Variants in FBN1 observed in about 807,000 individuals in gnomAD.
FBN1 encodes the protein fibrillin 1, also known as fibrillin-1.
A neutral mutation model predicts 365.1 loss-of-function variants in FBN1; 29 were observed. The observed-to-expected ratio is 0.08, with a 90% CI of 0.06 to 0.11. The LOEUF is 0.11. FBN1 is among the 10% of genes least tolerant of loss of function. FBN1 has a pLI of 1.00. For synonymous variants in FBN1, 1,210 were observed against 1,270.5 expected, an observed-to-expected ratio of 0.95 and a Z score of 1.01; for missense variants, 2,476 against 3,703.2, an observed-to-expected ratio of 0.67 and a Z score of 8.60.
chr15:48,573,061 A>C lies in FBN1; in HGVS notation c.538+23222T>G, dbSNP rs576098843. On this transcript the variant is annotated intron_variant, in intron 6 of 65. Transcript: ENST00000316623. ...GCTGGGGATGAGCCAGCGAGGTGGG[A>C]AAGACCAGCTCATGGGAGGCTTTGT... Among the ~76,000 whole-genome samples, 4 of 152,312 alleles carry C rather than the reference A, an allele frequency of 2.6e-5. No homozygotes were observed. In the East Asian group the frequency reaches 7.7e-4, roughly 29 times the overall value.
At chr15:48,497,036 G>A (rs191235912) in intron 19 of FBN1, among the ~76,000 whole-genome samples, 2 of 149,410 alleles carry the variant, frequency 1.3e-5, no homozygotes, top group East Asian at 3.9e-4. Context: ...TTATTTTAAG[G>A]AGCAAATCAT....
rs746201757 is a variant in FBN1, at chr15:48,516,343, G to A, written c.1167C>T (p.Cys389=). 1.9e-6 allele frequency: 3 copies of A among 1,613,766 alleles called. No homozygotes were observed. The highest frequency in any genetic ancestry group is 3.3e-5 in the Admixed American group (2 of 60,010). Residue 389 remains cysteine, a synonymous_variant, in exon 11 of 66, where the codon TGC becomes TGT. Coordinates refer to ENST00000316623, the MANE Select transcript of FBN1 (RefSeq NM_000138.5). ...TCCCAGGAATTACCATAGGAACAGA[G>A]CACAGCTTGTTGAAATCCTCTAGAA... The part of the protein sequence containing the change: ...IRATEDFNKL[C]SVPMVIPGRP...
Position 48,560,913 on chromosome 15 carries a change from T to C in FBN1, c.539-23105A>G, listed in dbSNP as rs79537613. Among the ~76,000 whole-genome samples the C allele has an allele frequency of 3.0e-3, 460 of 152,244 alleles. 17 individuals are homozygous for C. In the East Asian group the frequency reaches 0.071, roughly 23 times the overall value. Reference sequence around the variant, plus strand: ...ACCATATAACCTCTCTGGGTCATAATTTCCTCATCTGAACAATAGGGATCA... The same window carrying C: ...ACCATATAACCTCTCTGGGTCATAACTTCCTCATCTGAACAATAGGGATCA... On this transcript the variant is annotated intron_variant, in intron 6 of 65. Transcript: ENST00000316623.
At chr15:48,460,166 GA>G (rs2043270073) in intron 43 of FBN1, 79 bp downstream of exon 43, 4 of 1,029,892 alleles carry the variant, frequency 3.9e-6, no homozygotes, top group Non-Finnish European at 6.1e-6. Flanking sequence ...TTTCCTTTAA[GA>G]AAAAAATGGG....
intron 2 of FBN1, among the ~76,000 whole-genome samples, chr15:48,617,184 G>GT (rs1004726203): frequency 6.9e-4 from 105 of 151,222 alleles, no homozygotes; most frequent in African/African-American, 2.2e-3. Flanking sequence ...TTGCTTTTTT[G>GT]TTTTTTTTGA....
chr15:48,501,308 T>C (rs1195706318), intron 17 of FBN1, among the ~76,000 whole-genome samples: 1 of 152,178 alleles, frequency 6.6e-6, no homozygotes, highest in Non-Finnish European at 1.5e-5. Context: ...TTAGTTATCA[T>C]GAGAGTGACT....
intron 45 of FBN1, among the ~76,000 whole-genome samples, chr15:48,449,663 C>G (rs2043185682): frequency 6.6e-6 from 1 of 152,202 alleles, no homozygotes; most frequent in Non-Finnish European, 1.5e-5. Context: ...ACTTACGTCT[C>G]TAATTTTTTA....
At chr15:48,448,990 A>C in intron 45 of FBN1, 97 bp from the exon 46 acceptor site, 1 of 1,016,566 alleles carries the variant, frequency 9.8e-7, no homozygotes, top group Non-Finnish European at 1.5e-6. Context: ...TCCTAGCTCT[A>C]AACTAAGTTA....
At position 48,427,680 on chromosome 15, in the gene FBN1, C is replaced by A; in HGVS notation, c.7091G>T (p.Cys2364Phe). ...ACCCCAGCCTCTCCCTCCGTCACAG[C>A]AGCATTCCGATTTGGTGACGGGGTT... ...NRNPVTKSEC[C>F]CDGGRGWGPH... The change falls in exon 58 of 66, where the codon TGC (cysteine) becomes TTC (phenylalanine). Residue 2364 changes from cysteine (C) to phenylalanine (F), a missense_variant. By Grantham distance (205) the Cys-to-Phe change is radical (BLOSUM62 -2). Coordinates refer to ENST00000316623, the MANE Select transcript of FBN1 (RefSeq NM_000138.5). The A allele has an allele frequency of 6.2e-7, 1 of 1,614,122 alleles. No homozygotes were observed. Among genetic ancestry groups the A allele is most frequent in the Non-Finnish European group, 8.5e-7 (1 of 1,179,998 alleles).
Position 48,496,150 on chromosome 15 carries a change from C to T in FBN1, c.2369G>A (p.Cys790Tyr), listed in dbSNP as rs193922188. The change falls in exon 20 of 66, where the codon TGT (cysteine) becomes TAT (tyrosine). Residue 790 changes from cysteine to tyrosine, a missense_variant. By Grantham distance (194) the Cys-to-Tyr change is radical. Around this residue, in one of 5 missense-constraint regions of FBN1, gnomAD observed 1,780 missense variants for 2,840.8 expected, o/e 0.63. Coordinates refer to ENST00000316623, the MANE Select transcript of FBN1 (RefSeq NM_000138.5). ...GTAGATAAATCCCTTGGGGCAGGTACAGACAAAACTTCCAGGAGTATTTCT... is the reference window on the plus strand; with the variant it reads ...GTAGATAAATCCCTTGGGGCAGGTATAGACAAAACTTCCAGGAGTATTTCT... ...QCRNTPGSFVCTCPKGFIYKP... is the reference protein window; with the variant it reads ...QCRNTPGSFVYTCPKGFIYKP... 6.2e-7 allele frequency: 1 copy of T among 1,613,778 alleles called. No individual in the cohort carries two copies. Among genetic ancestry groups the T allele is most frequent in the Non-Finnish European group, 8.5e-7 (1 of 1,179,802 alleles).
At chr15:48,502,174 G>A (rs989691965) in intron 17 of FBN1, among the ~76,000 whole-genome samples, 28 of 152,166 alleles carry the variant, frequency 1.8e-4, no homozygotes, top group Middle Eastern at 3.4e-3. Context: ...GGTTATAGGC[G>A]CGCACCACCA....
chr15:48,483,808 CT>C lies in FBN1; in HGVS notation c.3838+9del, dbSNP rs1451715264. ...AAGACAAGATGAAAAATTCTGTCTT[CT>C]TTGCTTACCTACACAAGTCTTCATG... On this transcript the variant is annotated intron_variant, in intron 31 of 65. Coordinates refer to ENST00000316623, the MANE Select transcript of FBN1 (RefSeq NM_000138.5). 1 of 1,613,406 alleles carries C rather than the reference CT, an allele frequency of 6.2e-7. No homozygotes were observed. The highest frequency in any genetic ancestry group is 1.7e-5 in the Admixed American group (1 of 60,022).
chr15:48,467,791 CT>C (rs2043334456), intron 38 of FBN1, 146 bp downstream of exon 38: 1 of 752,622 alleles, frequency 1.3e-6, no homozygotes, highest in South Asian at 1.5e-5. Flanking sequence ...TTTTCTGACT[CT>C]CGAATTGGGA....
At chr15:48,535,076 T>G (rs1343609274) in intron 7 of FBN1, among the ~76,000 whole-genome samples, 2 of 152,164 alleles carry the variant, frequency 1.3e-5, no homozygotes, top group African/African-American at 4.8e-5. Flanking sequence ...AGGCTGCCCC[T>G]CTGCCCGGAA....
At chr15:48,555,599 A>C (rs2044173333) in intron 6 of FBN1, among the ~76,000 whole-genome samples, 1 of 152,202 alleles carries the variant, frequency 6.6e-6, no homozygotes, top group Non-Finnish European at 1.5e-5. Flanking sequence ...TCCAAAGAGA[A>C]GCATATAGGT....
chr15:48,520,561 T>C, intron 10 of FBN1, 98 bp downstream of exon 10: 1 of 1,424,098 alleles, frequency 7.0e-7, no homozygotes, highest in Admixed American at 1.9e-5. Flanking sequence ...AGACTACTCA[T>C]TTACCCAAGT....
intron 45 of FBN1, among the ~76,000 whole-genome samples, chr15:48,452,252 T>A (rs1193944462): frequency 1.3e-5 from 2 of 152,144 alleles, no homozygotes; most frequent in Non-Finnish European, 2.9e-5. Context: ...CATAATTGTG[T>A]GTGTGTGTAA....
At chr15:48,425,656 T>C in intron 59 of FBN1, 83 bp downstream of exon 59, 1 of 1,570,452 alleles carries the variant, frequency 6.4e-7, no homozygotes, top group Non-Finnish European at 8.7e-7. Flanking sequence ...GCACAGACTT[T>C]TTAGATTTTT....
intron 2 of FBN1, among the ~76,000 whole-genome samples, chr15:48,619,120 C>T (rs1333723718): frequency 1.3e-5 from 2 of 152,064 alleles, no homozygotes; most frequent in African/African-American, 2.4e-5. Context: ...TTATGTTCCA[C>T]GAAACCAGTC....
Sources: allele counts gnomAD v4.1 joint callset (sites outside exome capture counted in the v4.1 genomes callset), GRCh38; gene constraint gnomAD v4.1.1; regional missense constraint gnomAD v4.1.1; transcripts MANE v1.5; gene names NCBI Gene and HGNC (gene_info 2026-07-23, HGNC 2026-07-21).